The following SAP130 variants were observed in gnomAD, a reference collection of about 807,000 sequenced individuals.
SAP130 encodes the protein histone deacetylase complex subunit SAP130.
In SAP130, 16 loss-of-function variants were observed where a neutral mutation model predicts 103.2. The observed-to-expected ratio is 0.16, with a 90% CI of 0.10 to 0.24. The LOEUF (loss-of-function observed/expected upper bound fraction) is 0.24, where lower values mean the gene tolerates loss of function less well. Ranked by LOEUF, SAP130 falls within the 10% of genes least tolerant of loss-of-function variation. The pLI is 1.00. For missense variants in SAP130, 990 were observed against 1,359.7 expected (o/e 0.73, Z 4.28); for synonymous variants, 477 against 497.0 (o/e 0.96, Z 0.53).
intron 7 of SAP130, among the ~76,000 whole-genome samples, chr2:128,002,163 C>T (rs1408280169): frequency 6.6e-6 from 1 of 152,112 alleles, no homozygotes; most frequent in Non-Finnish European, 1.5e-5. Context: ...TTGATCCGCC[C>T]GCCCTGGCCT....
At chr2:128,023,380 C>A (rs1685280410) in intron 2 of SAP130, among the ~76,000 whole-genome samples, 1 of 152,136 alleles carries the variant, frequency 6.6e-6, no homozygotes, top group Admixed American at 6.5e-5. Context: ...GAGCTCAAAG[C>A]GATCCACCTG....
At chr2:128,003,242 C>T (rs1398648532) in intron 7 of SAP130, among the ~76,000 whole-genome samples, 1 of 151,864 alleles carries the variant, frequency 6.6e-6, no homozygotes, top group Non-Finnish European at 1.5e-5. Context: ...CGCAGTGGCT[C>T]ACATCTGTAA....
At chr2:127,973,361 T>G (rs923702917) in intron 15 of SAP130, among the ~76,000 whole-genome samples, 4 of 152,306 alleles carry the variant, frequency 2.6e-5, no homozygotes, top group African/African-American at 7.2e-5. Context: ...GCCTCCCAAG[T>G]AGCTGGGATT....
At chr2:128,000,578 C>G (rs1683487413) in intron 7 of SAP130, 124 bp from the exon 8 acceptor site, 1 of 1,067,478 alleles carries the variant, frequency 9.4e-7, no homozygotes, top group Non-Finnish European at 1.3e-6. Flanking sequence ...AATACTTGGT[C>G]TTTAATCACA....
intron 15 of SAP130, among the ~76,000 whole-genome samples, chr2:127,957,029 T>C (rs1679889308): frequency 6.6e-6 from 1 of 152,224 alleles, no homozygotes; most frequent in Non-Finnish European, 1.5e-5. Context: ...TTGGGCACAG[T>C]GGCTCATGCC....
intron 14 of SAP130, among the ~76,000 whole-genome samples, chr2:127,985,413 G>A (rs1682304880): frequency 6.6e-6 from 1 of 152,144 alleles, no homozygotes; most frequent in African/African-American, 2.4e-5. Context: ...TTAATCTTTT[G>A]ATGTTGATGC....
At chr2:127,960,913 A>G (rs1407289697) in intron 15 of SAP130, among the ~76,000 whole-genome samples, 1 of 152,178 alleles carries the variant, frequency 6.6e-6, no homozygotes, top group Non-Finnish European at 1.5e-5. Flanking sequence ...AATCAATGAA[A>G]TATAATAATT....
In SAP130 at chr2:128,014,882, A is replaced by G. The variant is rs774854248; in HGVS notation, c.540T>C (p.Thr180=). The stretch of plus-strand genomic sequence containing the variant: ...GGATGATAGACATTTGCACATTTGT[A>G]GTCATGATGTGATGCAGGTTACTGG... The part of the protein sequence containing the change: ...GHPSNLHHIM[T]TNVQMSIIRS... Residue 180 remains threonine (T), a synonymous_variant, in exon 5 of 21, where the codon ACT becomes ACC. Transcript: ENST00000643581. 6.2e-7 allele frequency: 1 copy of G among 1,614,140 alleles called. No homozygotes were observed. The highest frequency in any genetic ancestry group is 8.5e-7 in the Non-Finnish European group (1 of 1,179,962).
chr2:127,975,440 A>G (rs1031557466), intron 15 of SAP130, among the ~76,000 whole-genome samples: 2 of 152,248 alleles, frequency 1.3e-5, no homozygotes, highest in African/African-American at 4.8e-5. Flanking sequence ...CATATTGAAA[A>G]AGTCTAGTGA....
intron 6 of SAP130, 35 bp downstream of exon 6, chr2:128,012,995 A>G (rs1357253687): frequency 7.0e-6 from 11 of 1,579,298 alleles, no homozygotes; most frequent in East Asian, 2.3e-5. Flanking sequence ...AATAACTCCA[A>G]TGAGGCCCTT....
At chr2:127,995,250 A>G (rs1683092739) in intron 11 of SAP130, among the ~76,000 whole-genome samples, 1 of 152,258 alleles carries the variant, frequency 6.6e-6, no homozygotes, top group African/African-American at 2.4e-5. Context: ...TGTAAATGAC[A>G]AGGGGCTCCT....
chr2:128,018,818 T>C (rs1250700886), intron 2 of SAP130, among the ~76,000 whole-genome samples: 2 of 144,898 alleles, frequency 1.4e-5, no homozygotes, highest in East Asian at 2.0e-4. Flanking sequence ...AAAAAGGTGG[T>C]TGGGGGCTGA....
intron 7 of SAP130, among the ~76,000 whole-genome samples, chr2:128,009,304 T>TCACTTTC (rs1453838224): frequency 1.3e-5 from 2 of 152,006 alleles, no homozygotes; most frequent in South Asian, 2.1e-4. Context: ...AACCTGTCTC[T>TCACTTTC]ACAAGAAAAT....
At chr2:127,954,859 T>C in intron 16 of SAP130, 127 bp downstream of exon 16, 1 of 680,998 alleles carries the variant, frequency 1.5e-6, no homozygotes, top group Non-Finnish European at 2.5e-6. Flanking sequence ...ACTAATGACA[T>C]GCAACATCTA....
chr2:128,012,926 C>T, intron 6 of SAP130, 104 bp downstream of exon 6: 3 of 1,170,476 alleles, frequency 2.6e-6, no homozygotes, highest in Non-Finnish European at 2.3e-6. Flanking sequence ...TTCCCTATGT[C>T]TTGGCAACTA....
rs146263101 is a variant in SAP130 at position 127,970,572 on chromosome 2, C to G, written c.2063+7413G>C. ...AAAAAAAAAAAAAAAAAAAATTAGCCGGGCATGGTGATGCATGCCTGGAGT... is the reference window on the plus strand; with the variant it reads ...AAAAAAAAAAAAAAAAAAAATTAGCGGGGCATGGTGATGCATGCCTGGAGT... On this transcript the variant is annotated intron_variant, in intron 15 of 20. Transcript: ENST00000643581. Among the ~76,000 whole-genome samples the G allele has an allele frequency of 2.0e-4, 27 of 134,908 alleles. No individual in the cohort carries two copies. The Middle Eastern group carries it at 0.013, about 65-fold the overall frequency. The allele number at this position is 134,908 out of a possible 152,430, so 88.5% of individuals were successfully genotyped here.
chr2:128,007,850 CA>C (rs1474863204), intron 7 of SAP130, among the ~76,000 whole-genome samples: 2 of 152,182 alleles, frequency 1.3e-5, no homozygotes, highest in Non-Finnish European at 2.9e-5. Flanking sequence ...ACACATTGAT[CA>C]CTCCTAAACC....
chr2:128,025,225 T>C (rs1685424970), intron 2 of SAP130, among the ~76,000 whole-genome samples: 1 of 152,228 alleles, frequency 6.6e-6, no homozygotes, highest in Admixed American at 6.5e-5. Flanking sequence ...TACTTCTCTG[T>C]TGTGGGGGGC....
At chr2:127,957,454 C>T (rs755677970) in intron 15 of SAP130, among the ~76,000 whole-genome samples, 70 of 152,300 alleles carry the variant, frequency 4.6e-4, no homozygotes, top group South Asian at 4.1e-4. Flanking sequence ...GCAGGAAGAT[C>T]GCTTGAGCCC....
Sources: allele counts gnomAD v4.1 joint callset (sites outside exome capture counted in the v4.1 genomes callset), GRCh38; gene constraint gnomAD v4.1.1; transcripts MANE v1.5; gene names NCBI Gene and HGNC (gene_info 2026-07-23, HGNC 2026-07-21).